The following UBE2T variants were observed in gnomAD, a reference collection of about 807,000 sequenced individuals.
UBE2T encodes the protein ubiquitin-conjugating enzyme E2 T.
Under a neutral mutation model 23.3 loss-of-function variants are expected in UBE2T, and 15 were observed. That is an observed-to-expected ratio of 0.64 (90% CI 0.43 to 0.99). The LOEUF (loss-of-function observed/expected upper bound fraction) is 0.99, where lower values mean the gene tolerates loss of function less well. Among genes scored for constraint, UBE2T ranks in the 50% least tolerant of loss-of-function variants. UBE2T has a pLI of 0.00. For synonymous variants in UBE2T, 67 were observed against 78.4 expected (o/e 0.85, Z 0.77); for missense variants, 197 against 234.9 (o/e 0.84, Z 1.05).
Position 202,331,952 on chromosome 1 carries a change from CTCA to C in UBE2T, c.474_476del (p.Asp158del). The C allele has an allele frequency of 6.2e-7, 1 of 1,614,080 alleles. No individual in the cohort carries two copies. ...CTGGTAGATTATCAAGCATCTCTTC[CTCA>C]TCAGCCTAAAGAGGAGACAGGGTGA... On this transcript the variant is annotated inframe_deletion, in exon 7 of 7. Transcript: ENST00000646651.
chr1:202,337,478 G>T (rs1230964109), intron 1 of UBE2T, among the ~76,000 whole-genome samples: 1 of 152,032 alleles, frequency 6.6e-6, no homozygotes, highest in Non-Finnish European at 1.5e-5. Context: ...AATCCACTAG[G>T]AATTGAATTT....
At chr1:202,333,184 A>G (rs1654804677) in intron 5 of UBE2T, 53 bp downstream of exon 5, 1 of 1,608,262 alleles carries the variant, frequency 6.2e-7, no homozygotes, top group African/African-American at 1.3e-5. Context: ...AGGGAGAGTT[A>G]GCGGTATAGA....
At chr1:202,333,981 G>A (rs1241110887) in intron 3 of UBE2T, among the ~76,000 whole-genome samples, 1 of 150,922 alleles carries the variant, frequency 6.6e-6, no homozygotes, top group Non-Finnish European at 1.5e-5. Context: ...CAATTCATAC[G>A]TTGCATTTGG....
chr1:202,336,954 T>A (rs532358763), intron 1 of UBE2T, among the ~76,000 whole-genome samples: 2 of 152,296 alleles, frequency 1.3e-5, no homozygotes, highest in South Asian at 4.1e-4. Flanking sequence ...CTAATCCCTT[T>A]TGTTTTTTAG....
Position 202,335,502 on chromosome 1 carries a change from T to C in UBE2T, c.109+144A>G. 2.7e-6 allele frequency: 2 copies of C among 739,322 alleles called. No homozygotes were observed. The highest frequency in any genetic ancestry group is 4.0e-4 in the Middle Eastern group (1 of 2,496). 45.8% of individuals were successfully genotyped at this position (739,322 alleles called of 1,614,324 possible). Reference sequence around the variant, plus strand: ...AAATGTCAAGCAAACCTTTTATAAATGTAAACAAATTTGGGTAGAAAGATG... The same window carrying C: ...AAATGTCAAGCAAACCTTTTATAAACGTAAACAAATTTGGGTAGAAAGATG... On this transcript the variant is annotated intron_variant, in intron 2 of 6. Coordinates refer to ENST00000646651, the MANE Select transcript of UBE2T (RefSeq NM_014176.4). The surrounding 1 kb of genome is among the most constrained non-coding windows in gnomAD (Gnocchi z 4.0).
rs1268044573 is a variant in UBE2T at position 202,335,603 on chromosome 1, A to T, written c.109+43T>A. 2 of 1,576,574 alleles carry T rather than the reference A, an allele frequency of 1.3e-6. No homozygotes were observed. The highest frequency in any genetic ancestry group is 2.2e-5 in the South Asian group (2 of 90,250). ...AATGTTTTATTTCAGCACAATCTTC[A>T]ATAGGGTCATGACTTTCATCATATA... On this transcript the variant is annotated intron_variant, in intron 2 of 6. Coordinates refer to ENST00000646651, the MANE Select transcript of UBE2T (RefSeq NM_014176.4). The surrounding 1 kb of genome is among the most constrained non-coding windows in gnomAD (Gnocchi z 4.0).
chr1:202,337,381 T>C (rs1310000981), intron 1 of UBE2T, among the ~76,000 whole-genome samples: 1 of 152,350 alleles, frequency 6.6e-6, no homozygotes. Flanking sequence ...ACTTTGTGTA[T>C]TAAATTTTTC....
intron 6 of UBE2T, among the ~76,000 whole-genome samples, 182 bp downstream of exon 6, chr1:202,332,828 A>G (rs1654783183): frequency 7.6e-6 from 1 of 130,756 alleles, no homozygotes; most frequent in Non-Finnish European, 1.6e-5. Flanking sequence ...GAATGGCGTG[A>G]ACCCGGGAGG....
rs55668607 is a variant in UBE2T, at chr1:202,335,319, G to A, written c.110-261C>T. ...GCCACAAGACCAAATACAACCTATA[G>A]ATTTGTTTTGTTTGGACCGCAGTAT... On this transcript the variant is annotated intron_variant, in intron 2 of 6. Coordinates refer to ENST00000646651, the MANE Select transcript of UBE2T (RefSeq NM_014176.4). The surrounding 1 kb of genome is among the most constrained non-coding windows in gnomAD (Gnocchi z 4.0). 383 of 546,990 alleles carry A rather than the reference G, an allele frequency of 7.0e-4. 1 individual carries two copies. The highest frequency in any genetic ancestry group is 1.1e-3 in the Non-Finnish European group (341 of 307,328). 33.9% of individuals were successfully genotyped at this position (546,990 alleles called of 1,614,324 possible). A position where few individuals can be genotyped will look rare whatever the true frequency, so the allele number is the denominator to read the frequency against.
chr1:202,335,269 C>T lies in UBE2T; in HGVS notation c.110-211G>A. 2 of 569,990 alleles carry T rather than the reference C, an allele frequency of 3.5e-6. No individual in the cohort carries two copies. Among genetic ancestry groups the T allele is most frequent in the Non-Finnish European group, 3.1e-6 (1 of 323,140 alleles). The allele number at this position is 569,990 out of a possible 1,614,324, so 35.3% of individuals were successfully genotyped here. On this transcript the variant is annotated intron_variant, in intron 2 of 6. Transcript: ENST00000646651. The surrounding 1 kb of genome is among the most constrained non-coding windows in gnomAD (Gnocchi z 4.0). Reference sequence around the variant, plus strand: ...GTCAAACAAAGGACATATAGAAAATCTAAAGCAGAAGTTGCAAAATGCTGG... The same window carrying T: ...GTCAAACAAAGGACATATAGAAAATTTAAAGCAGAAGTTGCAAAATGCTGG...
chr1:202,333,178 A>C, intron 5 of UBE2T, 59 bp downstream of exon 5: 1 of 1,605,590 alleles, frequency 6.2e-7, no homozygotes, highest in Non-Finnish European at 8.5e-7. Flanking sequence ...TCACACAGGG[A>C]GAGTTAGCGG....
At chr1:202,341,171 T>C (rs1654992256) in intron 1 of UBE2T, among the ~76,000 whole-genome samples, 1 of 152,242 alleles carries the variant, frequency 6.6e-6, no homozygotes, top group South Asian at 2.1e-4. Context: ...GACAGTTTCT[T>C]CTCCTTAGGA....
chr1:202,338,320 A>T (rs867494886), intron 1 of UBE2T, among the ~76,000 whole-genome samples: 1 of 152,052 alleles, frequency 6.6e-6, no homozygotes, highest in East Asian at 1.9e-4. Context: ...CCTGGGTTCA[A>T]GCGATTCTCC....
chr1:202,331,757 T>TAA lies in UBE2T; in HGVS notation c.*76_*77dup. ...CAAAAATTATGTCATCAAATATATT[T>TAA]AAAAAAAAATTCAAGGTAGGCAACT... On this transcript the variant is annotated 3_prime_UTR_variant, in exon 7 of 7. Coordinates refer to ENST00000646651, the MANE Select transcript of UBE2T (RefSeq NM_014176.4). 1 of 1,527,432 alleles carries TAA rather than the reference T, an allele frequency of 6.5e-7. No homozygotes were observed. The highest frequency in any genetic ancestry group is 8.9e-7 in the Non-Finnish European group (1 of 1,122,496). 94.6% of individuals were successfully genotyped at this position (1,527,432 alleles called of 1,614,324 possible).
At chr1:202,334,488 C>G (rs903096111) in intron 3 of UBE2T, among the ~76,000 whole-genome samples, 1 of 152,070 alleles carries the variant, frequency 6.6e-6, no homozygotes, top group African/African-American at 2.4e-5. Context: ...ATGAGTTTAC[C>G]TATATAACAA....
At chr1:202,333,848 ATACTAT>A (rs1654821087) in intron 3 of UBE2T, among the ~76,000 whole-genome samples, 1 of 152,200 alleles carries the variant, frequency 6.6e-6, no homozygotes, top group Admixed American at 6.5e-5. Context: ...TATAAATGCA[ATACTAT>A]TACCCCTTTG....
intron 3 of UBE2T, among the ~76,000 whole-genome samples, chr1:202,334,128 G>A (rs1654829719): frequency 6.6e-6 from 1 of 152,164 alleles, no homozygotes; most frequent in Non-Finnish European, 1.5e-5. Flanking sequence ...GTGATTAGAT[G>A]TCTATGTTTC....
Position 202,331,772 on chromosome 1 carries a change from G to A in UBE2T, c.*63C>T. 4 of 1,579,490 alleles carry A rather than the reference G, an allele frequency of 2.5e-6. No individual in the cohort carries two copies. Among genetic ancestry groups the A allele is most frequent in the Non-Finnish European group, 3.4e-6 (4 of 1,163,228 alleles). Reference sequence around the variant, plus strand: ...CAAATATATTTAAAAAAAAATTCAAGGTAGGCAACTTAGATCACCTTGGCA... The same window carrying A: ...CAAATATATTTAAAAAAAAATTCAAAGTAGGCAACTTAGATCACCTTGGCA... On this transcript the variant is annotated 3_prime_UTR_variant, in exon 7 of 7. Transcript: ENST00000646651.
At position 202,335,504 on chromosome 1, in the gene UBE2T, TA is replaced by T; in HGVS notation, c.109+141del. The T allele has an allele frequency of 1.3e-6, 1 of 750,284 alleles. No homozygotes were observed. The allele number at this position is 750,284 out of a possible 1,614,324, so 46.5% of individuals were successfully genotyped here. ...ATGTCAAGCAAACCTTTTATAAATG[TA>T]AACAAATTTGGGTAGAAAGATGGTA... On this transcript the variant is annotated intron_variant, in intron 2 of 6. Coordinates refer to ENST00000646651, the MANE Select transcript of UBE2T (RefSeq NM_014176.4). This position sits in a 1 kb window ranked among gnomAD's most constrained non-coding sequence, Gnocchi z 4.0.
Sources: gnomAD v4.1 joint callset for allele counts (sites outside exome capture counted in the v4.1 genomes callset) on GRCh38, gnomAD v4.1.1 for gene constraint, Gnocchi (gnomAD v3.1) non-coding constraint, MANE v1.5 for transcripts, NCBI Gene and HGNC (gene_info 2026-07-23, HGNC 2026-07-21) for gene names.